The following THADA variants were observed in gnomAD, a reference collection of about 807,000 sequenced individuals.
THADA encodes THADA armadillo repeat containing.
A neutral mutation model predicts 219.8 loss-of-function variants in THADA; 213 were observed. That is an observed-to-expected ratio of 0.97 (90% CI 0.87 to 1.09). The LOEUF is 1.09. Ranked by LOEUF, THADA falls within the 50% of genes least tolerant of loss-of-function variation. The pLI is 0.00. For synonymous variants in THADA, 1,018 were observed against 828.9 expected (o/e 1.23, Z -3.92); for missense variants, 2,956 against 2,311.3 (o/e 1.28, Z -5.72).
chr2:43,445,322 A>C (rs1193392546), intron 26 of THADA, among the ~76,000 whole-genome samples: 1 of 152,256 alleles, frequency 6.6e-6, no homozygotes, highest in Non-Finnish European at 1.5e-5. Flanking sequence ...AAATCCCATC[A>C]GGAAGCCCAT....
At chr2:43,269,195 C>T (rs925798047) in intron 36 of THADA, among the ~76,000 whole-genome samples, 8 of 152,210 alleles carry the variant, frequency 5.3e-5, no homozygotes, top group African/African-American at 1.7e-4. Context: ...CCTGCAGCCG[C>T]GTCAGCACCA....
intron 29 of THADA, among the ~76,000 whole-genome samples, chr2:43,368,856 G>C (rs949951017): frequency 3.3e-5 from 5 of 152,066 alleles, no homozygotes; most frequent in Non-Finnish European, 5.9e-5. Flanking sequence ...TCACAAGTTA[G>C]AAAACCTACT....
rs561078898 is a variant in THADA at position 43,460,676 on chromosome 2, C to G, written c.3836+24558G>C. Among the ~76,000 whole-genome samples, 3 of 152,184 alleles carry G rather than the reference C, an allele frequency of 2.0e-5. No individual in the cohort carries two copies. In the South Asian group the frequency reaches 6.2e-4, roughly 32 times the overall value. On this transcript the variant is annotated intron_variant, in intron 26 of 37. Coordinates refer to ENST00000405975, the MANE Select transcript of THADA (RefSeq NM_022065.5). ...GCCTCAAGGAACTTTATCAAGTTTA[C>G]AAAACAAGACAGAAATGAATGGGAA...
chr2:43,420,134 G>A (rs530680399), intron 28 of THADA, among the ~76,000 whole-genome samples: 1 of 152,132 alleles, frequency 6.6e-6, no homozygotes, highest in South Asian at 2.1e-4. Flanking sequence ...TCCCTGAGAT[G>A]GCAGACTGAA....
chr2:43,337,465 A>G (rs1022597865), intron 30 of THADA, among the ~76,000 whole-genome samples: 1 of 152,198 alleles, frequency 6.6e-6, no homozygotes, highest in Admixed American at 6.5e-5. Context: ...CCTCATACGA[A>G]GCTTGGCACA....
intron 26 of THADA, among the ~76,000 whole-genome samples, chr2:43,442,768 C>G (rs966480047): frequency 1.3e-5 from 2 of 152,110 alleles, no homozygotes; most frequent in Non-Finnish European, 2.9e-5. Flanking sequence ...CCCTTATCAC[C>G]TCAACTAGAG....
At chr2:43,380,231 C>T (rs971125759) in intron 29 of THADA, among the ~76,000 whole-genome samples, 1 of 152,194 alleles carries the variant, frequency 6.6e-6, no homozygotes, top group Non-Finnish European at 1.5e-5. Flanking sequence ...GTGAAAGAAT[C>T]TAACTGTACT....
intron 14 of THADA, among the ~76,000 whole-genome samples, chr2:43,570,171 T>C (rs116360325): frequency 6.6e-6 from 1 of 152,284 alleles, no homozygotes; most frequent in Non-Finnish European, 1.5e-5. Context: ...CCCACTAACG[T>C]CATTCTGTAA....
At chr2:43,288,154 C>T (rs1674267216) in intron 34 of THADA, among the ~76,000 whole-genome samples, 1 of 152,236 alleles carries the variant, frequency 6.6e-6, no homozygotes, top group Non-Finnish European at 1.5e-5. Context: ...CACAGTGGCT[C>T]ACGGCTATAA....
intron 26 of THADA, among the ~76,000 whole-genome samples, chr2:43,457,175 CACACACACAT>C (rs1041480420): frequency 7.3e-6 from 1 of 137,864 alleles, no homozygotes; most frequent in African/African-American, 2.8e-5. Context: ...CACACACACA[CACACACACAT>C]GCACAGTGAG....
chr2:43,349,633 G>C (rs1419664058), intron 29 of THADA, among the ~76,000 whole-genome samples: 1 of 152,140 alleles, frequency 6.6e-6, no homozygotes, highest in African/African-American at 2.4e-5. Flanking sequence ...CTGAGCTCCA[G>C]AAACCAGCAG....
intron 36 of THADA, among the ~76,000 whole-genome samples, chr2:43,258,537 T>TAAATAA (rs1372072661): frequency 1.3e-5 from 2 of 152,134 alleles, no homozygotes; most frequent in South Asian, 2.1e-4. Flanking sequence ...AATAAATTAA[T>TAAATAA]AAATAAAAAT....
chr2:43,571,311 G>A (rs1329231916), intron 13 of THADA, among the ~76,000 whole-genome samples: 1 of 149,934 alleles, frequency 6.7e-6, no homozygotes, highest in African/African-American at 2.5e-5. Flanking sequence ...GAGTGCAGTG[G>A]TACAATCTCG....
chr2:43,531,413 G>T (rs1693847667), intron 21 of THADA, among the ~76,000 whole-genome samples: 1 of 152,202 alleles, frequency 6.6e-6, no homozygotes, highest in African/African-American at 2.4e-5. Flanking sequence ...ACAGACAAGG[G>T]TAAGTAAACC....
chr2:43,570,325 T>C (rs1033924971), intron 14 of THADA, 63 bp downstream of exon 14: 1 of 1,453,888 alleles, frequency 6.9e-7, no homozygotes, highest in Non-Finnish European at 9.3e-7. Flanking sequence ...TTCCCTTTAA[T>C]GCTTATTCAT....
rs1473381103 is a variant in THADA, at chr2:43,584,972, C to T, written c.533+1429G>A. ...ATACATGCACAGTGCACGCCAAATA[C>T]TGAGACCTCAGCCTTCTTCCCTCAC... On this transcript the variant is annotated intron_variant, in intron 7 of 37. Transcript: ENST00000405975. 2.0e-5 allele frequency among the ~76,000 whole-genome samples: 3 copies of T among 152,304 alleles called. No homozygotes were observed. In the East Asian group the frequency reaches 5.8e-4, roughly 29 times the overall value.
intron 25 of THADA, among the ~76,000 whole-genome samples, chr2:43,489,102 G>T (rs774339722): frequency 6.6e-6 from 1 of 152,044 alleles, no homozygotes; most frequent in South Asian, 2.1e-4. Context: ...CATTCTGTGG[G>T]TTGTCTTTAT....
intron 25 of THADA, among the ~76,000 whole-genome samples, chr2:43,487,036 C>A (rs1049867926): frequency 6.6e-6 from 1 of 152,162 alleles, no homozygotes; most frequent in Admixed American, 6.5e-5. Context: ...TAAAACTGAA[C>A]AGATTCACTT....
intron 21 of THADA, among the ~76,000 whole-genome samples, chr2:43,535,772 C>T (rs533630973): frequency 2.3e-4 from 35 of 150,394 alleles, no homozygotes; most frequent in Admixed American, 4.6e-4. Flanking sequence ...TAGTCTTTAC[C>T]ATTTATTGTT....
Sources: gnomAD v4.1 joint callset for allele counts (sites outside exome capture counted in the v4.1 genomes callset) on GRCh38, gnomAD v4.1.1 for gene constraint, MANE v1.5 for transcripts, NCBI Gene and HGNC (gene_info 2026-07-23, HGNC 2026-07-21) for gene names.